The following TMF1 variants were observed in gnomAD, a reference collection of about 807,000 sequenced individuals.
TMF1 encodes the protein TATA element modulatory factor 1.
A neutral mutation model predicts 126.5 loss-of-function variants in TMF1; 71 were observed. The observed-to-expected ratio is 0.56, with a 90% CI of 0.46 to 0.68. The LOEUF is 0.68. Among genes scored for constraint, TMF1 ranks in the 30% least tolerant of loss-of-function variants. The pLI, the probability that TMF1 is intolerant of heterozygous loss-of-function variation, is 0.00. For synonymous variants in TMF1, 461 were observed against 430.5 expected, an observed-to-expected ratio of 1.07 and a Z score of -0.88; for missense variants, 1,259 against 1,253.2, an observed-to-expected ratio of 1.00 and a Z score of -0.07.
In TMF1 at chr3:69,038,948, G is replaced by A. The variant is rs770631381; in HGVS notation, c.1889C>T (p.Ser630Phe). Residue 630 changes from serine (S) to phenylalanine (F), a missense_variant, in exon 7 of 17, where the codon TCC becomes TTC. Transcript: ENST00000398559. ...QHRENIKKLN[S>F]MVERQEKDLG... ...ATCTTTCTCTTGGCGTTCTACCATG[G>A]AATTTAGTTTTTTAATATTTTCTCT... The A allele has an allele frequency of 1.2e-6, 2 of 1,610,190 alleles. No homozygotes were observed. The highest frequency in any genetic ancestry group is 1.7e-6 in the Non-Finnish European group (2 of 1,178,582).
chr3:69,044,553 G>T lies in TMF1; in HGVS notation c.1390C>A (p.Gln464Lys). The stretch of plus-strand genomic sequence containing the variant: ...TTTTCCTTACTAAGAGATAATAACT[G>T]AGCCTCCCTTTTTTCCAGCTTTTCA... ...LNEKLEKREA[Q>K]LLSLSKEKAL... Residue 464 changes from glutamine to lysine, a missense_variant, in exon 3 of 17, where the codon CAG (glutamine) becomes AAG (lysine). Coordinates refer to ENST00000398559, the MANE Select transcript of TMF1 (RefSeq NM_007114.3). 1 of 1,609,562 alleles carries T rather than the reference G, an allele frequency of 6.2e-7. No homozygotes were observed. Among genetic ancestry groups the T allele is most frequent in the Non-Finnish European group, 8.5e-7 (1 of 1,178,784 alleles).
rs1043557936 is a variant in TMF1 at position 69,021,000 on chromosome 3, T to C, written c.*2177A>G. ...AGAGAATTTTGTAACTTAAGTTTCA[T>C]ATAGAGTAGTCTCCCCTTATCCACG... On this transcript the variant is annotated 3_prime_UTR_variant, in exon 17 of 17. Coordinates refer to ENST00000398559, the MANE Select transcript of TMF1 (RefSeq NM_007114.3). The C allele has an allele frequency of 1.3e-5, 2 of 152,322 alleles. No homozygotes were observed. Among genetic ancestry groups the C allele is most frequent in the African/African-American group, 4.8e-5 (2 of 41,576 alleles). The allele number at this position is 152,322 out of a possible 1,614,324, so 9.4% of individuals were successfully genotyped here.
rs1280163588 is a variant in TMF1, at chr3:69,048,332, G to A, written c.373C>T (p.Pro125Ser). 1.9e-6 allele frequency: 3 copies of A among 1,614,106 alleles called. No individual in the cohort carries two copies. Among genetic ancestry groups the A allele is most frequent in the African/African-American group, 2.7e-5 (2 of 75,000 alleles). ...AAGCTGCTTTTCACTTCTTCTTCTGGTCGTTGTGATTTTGCTGGAGGTTTT... is the reference window on the plus strand; with the variant it reads ...AAGCTGCTTTTCACTTCTTCTTCTGATCGTTGTGATTTTGCTGGAGGTTTT... The part of the protein sequence containing the change: ...VSKPPAKSQR[P>S]EEEVKSSLHE... The change falls in exon 2 of 17, where the codon CCA (proline) becomes TCA (serine). Residue 125 changes from proline to serine, a missense_variant. Physicochemically the swap from Pro to Ser is moderately conservative, Grantham distance 74 (BLOSUM62 -1). Transcript: ENST00000398559.
At chr3:69,031,878 CA>C (rs942219271) in intron 10 of TMF1, among the ~76,000 whole-genome samples, 1 of 152,130 alleles carries the variant, frequency 6.6e-6, no homozygotes, top group African/African-American at 2.4e-5. Flanking sequence ...CTAAAAACCA[CA>C]AAAGTACCAG....
chr3:69,025,620 G>A lies in TMF1; in HGVS notation c.2952C>T (p.Ser984=). ...GCTGAGACTGTAGGTTTTCAATTAT[G>A]CTTGATCCTGCTCCCATCCTTACAG... is the stretch of plus-strand genomic sequence containing the variant. ...YDAVRMGAGS[S]IIENLQSQLK... The change falls in exon 15 of 17, where the codon AGC becomes AGT. Residue 984 remains serine, a synonymous_variant. Transcript: ENST00000398559. 10 of 1,614,000 alleles carry A rather than the reference G, an allele frequency of 6.2e-6. No individual in the cohort carries two copies. Among genetic ancestry groups the A allele is most frequent in the Non-Finnish European group, 8.5e-6 (10 of 1,179,942 alleles).
chr3:69,046,540 T>C (rs961750978), intron 2 of TMF1, among the ~76,000 whole-genome samples: 4 of 152,214 alleles, frequency 2.6e-5, no homozygotes, highest in Admixed American at 1.3e-4. Flanking sequence ...AGTAATTCAA[T>C]ACATGGCACT....
At chr3:69,035,244 T>C in intron 8 of TMF1, 129 bp from the exon 9 acceptor site, 1 of 678,794 alleles carries the variant, frequency 1.5e-6, no homozygotes, top group Non-Finnish European at 2.5e-6. Flanking sequence ...AATGAACTTT[T>C]ACATATGATT....
At chr3:69,042,157 C>T (rs1489710519) in intron 5 of TMF1, among the ~76,000 whole-genome samples, 1 of 152,080 alleles carries the variant, frequency 6.6e-6, no homozygotes, top group African/African-American at 2.4e-5. Flanking sequence ...CTGCCTCAGC[C>T]TCCTGAGTAG....
chr3:69,030,102 T>G, intron 10 of TMF1, 95 bp from the exon 11 acceptor site: 1 of 1,065,096 alleles, frequency 9.4e-7, no homozygotes, highest in South Asian at 1.6e-5. Flanking sequence ...ATGATGCAAG[T>G]AGCCACACTT....
chr3:69,020,477 C>A lies in TMF1; in HGVS notation c.*2700G>T, dbSNP rs773478687. ...CTTTGTTTACTCATTTTTTTATATTCTTGAAAATGTTATTTGCAGCTTTTT... is the reference window on the plus strand; with the variant it reads ...CTTTGTTTACTCATTTTTTTATATTATTGAAAATGTTATTTGCAGCTTTTT... On this transcript the variant is annotated 3_prime_UTR_variant, in exon 17 of 17. Transcript: ENST00000398559. 3 of 152,042 alleles carry A rather than the reference C, an allele frequency of 2.0e-5. No individual in the cohort carries two copies. The highest frequency in any genetic ancestry group is 4.8e-5 in the African/African-American group (2 of 41,434). 9.4% of individuals were successfully genotyped at this position (152,042 alleles called of 1,614,324 possible).
chr3:69,033,506 T>A (rs937859), intron 10 of TMF1, 42 bp downstream of exon 10: 1 of 1,571,620 alleles, frequency 6.4e-7, no homozygotes, highest in Non-Finnish European at 8.6e-7. Context: ...ATAAACAAGA[T>A]GGAAGAGCTT....
intron 2 of TMF1, 140 bp downstream of exon 2, chr3:69,047,218 T>C: frequency 5.1e-6 from 5 of 978,518 alleles, no homozygotes; most frequent in Non-Finnish European, 7.2e-6. Flanking sequence ...TCAAGGTACT[T>C]AATGCTACAC....
Position 69,047,426 on chromosome 3 carries a change from C to T in TMF1, c.1279G>A (p.Val427Met), listed in dbSNP as rs761387578. The change falls in exon 2 of 17, where the codon GTG becomes ATG. Residue 427 changes from valine (V) to methionine (M), a missense_variant. Physicochemically the swap from Val to Met is conservative, Grantham distance 21. Transcript: ENST00000398559. The part of the protein sequence containing the change: ...INEGQTVLDK[V>M]AEQCEPAESQ... ...TCAGCAGGTTCACACTGCTCAGCCA[C>T]CTTGTCTAACACAGTCTGTCCTTCA... The T allele has an allele frequency of 5.0e-6, 8 of 1,613,938 alleles. No individual in the cohort carries two copies. The South Asian group carries it at 8.8e-5, about 18-fold the overall frequency.
intron 5 of TMF1, chr3:69,040,523 G>C (rs945608339): frequency 1.3e-5 from 2 of 152,224 alleles, no homozygotes; most frequent in African/African-American, 4.8e-5. Flanking sequence ...GAAAGATATG[G>C]AAGAGTTGTG....
Position 69,034,651 on chromosome 3 carries a change from C to A in TMF1, c.2244+372G>T, listed in dbSNP as rs2091822505. Reference sequence around the variant, plus strand: ...GAAAAATCAACCTAAATTGTATTTTCTCTCCCTTTTCCTCTGCATGTTATA... The same window carrying A: ...GAAAAATCAACCTAAATTGTATTTTATCTCCCTTTTCCTCTGCATGTTATA... On this transcript the variant is annotated intron_variant, in intron 9 of 16. Coordinates refer to ENST00000398559, the MANE Select transcript of TMF1 (RefSeq NM_007114.3). 1.3e-5 allele frequency among the ~76,000 whole-genome samples: 2 copies of A among 152,118 alleles called. 1 individual carries two copies. Among genetic ancestry groups the A allele is most frequent in the South Asian group, 4.1e-4 (2 of 4,822 alleles).
rs770046524 is a variant in TMF1, at chr3:69,027,986, A to G, written c.2671T>C (p.Leu891=). The G allele has an allele frequency of 8.4e-6, 13 of 1,552,558 alleles. No homozygotes were observed. Among genetic ancestry groups the G allele is most frequent in the African/African-American group, 1.4e-5 (1 of 73,506 alleles). The change falls in exon 13 of 17, where the codon TTG becomes CTG. Residue 891 remains leucine, a synonymous_variant. Coordinates refer to ENST00000398559, the MANE Select transcript of TMF1 (RefSeq NM_007114.3). ...CTTTCCATTTCTAACTGACTATTCA[A>G]CAATGTCTAATAGAGAGAAATAAAG... The part of the protein sequence containing the change: ...LEETRKEKTL[L]NSQLEMERMK...
In TMF1 at chr3:69,023,115, AC is replaced by A; in HGVS notation, c.*61del. The A allele has an allele frequency of 7.0e-7, 1 of 1,427,512 alleles. No homozygotes were observed. Among genetic ancestry groups the A allele is most frequent in the Non-Finnish European group, 9.6e-7 (1 of 1,042,794 alleles). The allele number at this position is 1,427,512 out of a possible 1,614,324, so 88.4% of individuals were successfully genotyped here. On this transcript the variant is annotated 3_prime_UTR_variant, in exon 17 of 17. Coordinates refer to ENST00000398559, the MANE Select transcript of TMF1 (RefSeq NM_007114.3). ...CTATAAAAGAATTTATTGGAAGTCC[AC>A]ATTAAATGTTTAGATATTAAATGCT...
In TMF1 at chr3:69,048,480, T is replaced by C. The variant is rs750884923; in HGVS notation, c.225A>G (p.Ile75Met). 6.2e-7 allele frequency: 1 copy of C among 1,614,050 alleles called. No homozygotes were observed. The highest frequency in any genetic ancestry group is 1.3e-5 in the African/African-American group (1 of 74,924). Residue 75 changes from isoleucine to methionine, a missense_variant, in exon 2 of 17, where the codon ATA becomes ATG. By Grantham distance (10) the Ile-to-Met change is conservative. Transcript: ENST00000398559. ...GCTTTGTGATTGCTTTAGGAGAGGC[T>C]ATTGGTGGACTCTGAGGTTCAGTGT... ...KSNTEPQSPP[I>M]ASPKAITKPV...
chr3:69,044,101 A>G (rs535029238), intron 3 of TMF1, among the ~76,000 whole-genome samples: 1 of 152,360 alleles, frequency 6.6e-6, no homozygotes, highest in African/African-American at 2.4e-5. Context: ...AAATGTCACC[A>G]ATATCTGACA....
Sources: gnomAD v4.1 joint callset for allele counts (sites outside exome capture counted in the v4.1 genomes callset) on GRCh38, gnomAD v4.1.1 for gene constraint, MANE v1.5 for transcripts, NCBI Gene and HGNC (gene_info 2026-07-23, HGNC 2026-07-21) for gene names.